ANK1: variants seen among roughly 807,000 people sequenced by gnomAD.
ANK1 encodes the protein ankyrin-1.
ANK1 carries 51 observed loss-of-function variants against 210.4 expected under a neutral mutation model. That is an observed-to-expected ratio of 0.24 (90% CI 0.19 to 0.31). The LOEUF (loss-of-function observed/expected upper bound fraction) is 0.31. Ranked by LOEUF, ANK1 falls within the 10% of genes least tolerant of loss-of-function variation. ANK1 has a pLI of 1.00. For synonymous variants in ANK1, 967 were observed against 1,025.9 expected, an observed-to-expected ratio of 0.94 and a Z score of 1.10; for missense variants, 2,051 against 2,504.4, an observed-to-expected ratio of 0.82 and a Z score of 3.86.
chr8:41,884,393 G>C (rs1465829918), intron 1 of ANK1, among the ~76,000 whole-genome samples: 2 of 151,814 alleles, frequency 1.3e-5, no homozygotes, highest in Non-Finnish European at 2.9e-5. Context: ...GCATTAAAGG[G>C]TCTGGGAAAC....
intron 31 of ANK1, among the ~76,000 whole-genome samples, chr8:41,692,346 T>G (rs944028288): frequency 1.3e-5 from 2 of 152,230 alleles, no homozygotes; most frequent in Non-Finnish European, 2.9e-5. Context: ...CGTGAGCCAC[T>G]GCGCCCGGCA....
intron 38 of ANK1, 71 bp downstream of exon 38, chr8:41,672,283 C>CTGCCAGGCATAATCTTACCCAG: frequency 6.5e-7 from 1 of 1,547,708 alleles, no homozygotes; most frequent in South Asian, 1.1e-5. Flanking sequence ...TCTGTCCTCA[C>CTGCCAGGCATAATCTTACCCAG]TGCCAGGCAT....
At chr8:41,752,807 C>CCA (rs1554596984) in intron 2 of ANK1, among the ~76,000 whole-genome samples, 3 of 151,678 alleles carry the variant, frequency 2.0e-5, no homozygotes, top group South Asian at 2.1e-4. Flanking sequence ...GGCCCCCCCC[C>CCA]ACTGCACCGC....
At chr8:41,837,111 C>T (rs187608038) in intron 1 of ANK1, among the ~76,000 whole-genome samples, 115 of 152,264 alleles carry the variant, frequency 7.6e-4, no homozygotes, top group African/African-American at 2.4e-3. Flanking sequence ...GTGTCTTTCC[C>T]GTACATTTCC....
chr8:41,776,634 G>A (rs1844109943), intron 1 of ANK1, among the ~76,000 whole-genome samples: 1 of 152,224 alleles, frequency 6.6e-6, no homozygotes, highest in Non-Finnish European at 1.5e-5. Context: ...CTTCATTGGG[G>A]CCCTGCTGAT....
intron 1 of ANK1, among the ~76,000 whole-genome samples, chr8:41,781,115 C>G (rs1476412865): frequency 1.3e-5 from 2 of 152,210 alleles, no homozygotes; most frequent in East Asian, 3.9e-4. Flanking sequence ...CTCTGGAAAA[C>G]AGTCACCACT....
At chr8:41,793,873 C>G (rs1164782216) in intron 1 of ANK1, among the ~76,000 whole-genome samples, 1 of 152,148 alleles carries the variant, frequency 6.6e-6, no homozygotes, top group Non-Finnish European at 1.5e-5. Flanking sequence ...ACTATTTTCT[C>G]ATTAAATAGG....
intron 1 of ANK1, among the ~76,000 whole-genome samples, chr8:41,777,367 G>A (rs1356453226): frequency 2.6e-5 from 4 of 152,122 alleles, no homozygotes; most frequent in Admixed American, 1.3e-4. Context: ...CTGAGGTCAG[G>A]AGTTCGAGAC....
chr8:41,663,920 G>A (rs144963832), intron 39 of ANK1, 178 bp from the exon 40 acceptor site: 23 of 678,036 alleles, frequency 3.4e-5, no homozygotes, highest in African/African-American at 1.8e-4. Flanking sequence ...GGGCGTGGGC[G>A]GCGCCCCTGA....
intron 1 of ANK1, among the ~76,000 whole-genome samples, chr8:41,862,273 A>C (rs1813405463): frequency 6.6e-6 from 1 of 152,128 alleles, no homozygotes; most frequent in African/African-American, 2.4e-5. Flanking sequence ...TAACCTTTCT[A>C]AGCTTTAGTT....
chr8:41,683,477 T>C (rs1264188861), intron 37 of ANK1, among the ~76,000 whole-genome samples: 2 of 152,132 alleles, frequency 1.3e-5, no homozygotes, highest in Non-Finnish European at 2.9e-5. Context: ...GCCCCCAAAC[T>C]GTGTACCCAG....
Position 41,666,675 on chromosome 8 carries a change from A to G in ANK1, c.5394+1592T>C, listed in dbSNP as rs147857720. On this transcript the variant is annotated intron_variant, in intron 39 of 42. Transcript: ENST00000289734. The stretch of plus-strand genomic sequence containing the variant: ...TAAGTGGGTGCTTTGCAAACCATCA[A>G]TCACCTTCAAGGGCATCCTTATCAG... 3.0e-3 allele frequency among the ~76,000 whole-genome samples: 457 copies of G among 152,356 alleles called. 3 individuals are homozygous for G. Among genetic ancestry groups the G allele is most frequent in the African/African-American group, 0.011 (437 of 41,580 alleles).
chr8:41,837,985 A>G (rs1488567791), intron 1 of ANK1, among the ~76,000 whole-genome samples: 1 of 152,172 alleles, frequency 6.6e-6, no homozygotes, highest in Non-Finnish European at 1.5e-5. Context: ...GAGGAGGGGT[A>G]ACTGGACCTC....
chr8:41,802,995 G>GAGAGAGAA (rs1554630756), intron 1 of ANK1, among the ~76,000 whole-genome samples: 1,656 of 57,536 alleles, frequency 0.029, 119 homozygotes, highest in Middle Eastern at 0.041. Context: ...GAGAGAAAGA[G>GAGAGAGAA]AGAAAGAAAG....
intron 2 of ANK1, among the ~76,000 whole-genome samples, chr8:41,745,555 G>A (rs990040845): frequency 6.6e-6 from 1 of 152,194 alleles, no homozygotes; most frequent in Non-Finnish European, 1.5e-5. Flanking sequence ...TGGTGGTGAG[G>A]TGCAGAGGCT....
intron 1 of ANK1, among the ~76,000 whole-genome samples, chr8:41,789,582 G>A (rs559523363): frequency 3.4e-4 from 52 of 152,358 alleles, no homozygotes; most frequent in African/African-American, 1.2e-3. Flanking sequence ...CTGTGTGGAC[G>A]AGTTCACCTG....
At chr8:41,884,013 C>T (rs1818030583) in intron 1 of ANK1, among the ~76,000 whole-genome samples, 1 of 152,188 alleles carries the variant, frequency 6.6e-6, no homozygotes, top group Admixed American at 6.5e-5. Flanking sequence ...CCAGGGAATG[C>T]ATTGGTTCCA....
intron 1 of ANK1, among the ~76,000 whole-genome samples, chr8:41,822,007 G>T (rs2150789810): frequency 6.6e-6 from 1 of 151,556 alleles, no homozygotes; most frequent in South Asian, 2.1e-4. Context: ...CCGAGATTGT[G>T]CCATTGCACT....
intron 1 of ANK1, among the ~76,000 whole-genome samples, chr8:41,812,798 G>A (rs993234273): frequency 1.3e-5 from 2 of 152,088 alleles, no homozygotes; most frequent in South Asian, 2.1e-4. Flanking sequence ...TAAGGAGTGC[G>A]CAACCTAGAT....
Sources: allele counts gnomAD v4.1 joint callset (sites outside exome capture counted in the v4.1 genomes callset), GRCh38; gene constraint gnomAD v4.1.1; transcripts MANE v1.5; gene names NCBI Gene and HGNC (gene_info 2026-07-23, HGNC 2026-07-21).